Variants in KCNC4 observed in about 807,000 individuals in gnomAD.
KCNC4 encodes voltage-gated potassium channel KCNC4.
In KCNC4, 23 loss-of-function variants were observed where a neutral mutation model predicts 42.8. The observed-to-expected ratio is 0.54, with a 90% CI of 0.39 to 0.76. The LOEUF (loss-of-function observed/expected upper bound fraction) is 0.76, where lower values mean the gene tolerates loss of function less well. KCNC4 is among the 30% of genes least tolerant of loss of function. The pLI is 0.00. For missense variants in KCNC4, 751 were observed against 898.2 expected, an observed-to-expected ratio of 0.84 and a Z score of 2.10; for synonymous variants, 422 against 393.5, an observed-to-expected ratio of 1.07 and a Z score of -0.86.
At chr1:110,275,849 T>G (rs751541377) in intron 1 of KCNC4, among the ~76,000 whole-genome samples, 14 of 149,660 alleles carry the variant, frequency 9.4e-5, no homozygotes, top group Admixed American at 4.1e-4. Context: ...TCCCAACTAC[T>G]CAGGAGGCTG....
exon 4 of KCNC4, chr1:110,239,596 G>C (rs1200671341): frequency 1.3e-5 from 2 of 152,156 alleles, no homozygotes; most frequent in Non-Finnish European, 2.9e-5. Flanking sequence ...GAATGAATGG[G>C]CTGGAGATAG....
At chr1:110,238,822 C>T (rs568522942), downstream of KCNC4, 1 of 152,314 alleles carries the variant, frequency 6.6e-6, no homozygotes, top group African/African-American at 2.4e-5. Context: ...TTATTAAACA[C>T]CTGTGAACTC....
downstream of KCNC4, among the ~76,000 whole-genome samples, chr1:110,254,103 G>GGGGGTT: frequency 7.0e-6 from 1 of 142,600 alleles, no homozygotes; most frequent in Non-Finnish European, 1.6e-5. Context: ...GGGGGGGGCG[G>GGGGGTT]CGTTTCTGTT....
chr1:110,212,478 C>A (rs141737007), intron 1 of KCNC4, among the ~76,000 whole-genome samples: 571 of 152,310 alleles, frequency 3.7e-3, no homozygotes, highest in Non-Finnish European at 5.9e-3. Context: ...TCCTCCACCC[C>A]CTTCTTTGGT....
At position 110,223,675 on chromosome 1, in the gene KCNC4, A is replaced by G. The variant is rs1344430397; in HGVS notation, c.1390A>G (p.Ile464Val). The G allele has an allele frequency of 6.2e-7, 1 of 1,613,904 alleles. No homozygotes were observed. Among genetic ancestry groups the G allele is most frequent in the Non-Finnish European group, 8.5e-7 (1 of 1,180,050 alleles). The change falls in exon 2 of 4, where the codon ATC becomes GTC. Residue 464 changes from isoleucine (I) to valine (V), a missense_variant. By Grantham distance (29) the Ile-to-Val change is conservative (BLOSUM62 3). This residue lies in a region of KCNC4 where 185 missense variants were observed against 293.7 expected (regional missense o/e 0.63). Coordinates refer to ENST00000438661, the MANE Select transcript of KCNC4 (RefSeq NM_001039574.3). This position sits in a 1 kb window ranked among gnomAD's most constrained non-coding sequence, Gnocchi z 7.5. Reference sequence around the variant, plus strand: ...GTGTGCACTGGCTGGCGTGCTCACCATCGCCATGCCGGTGCCTGTCATCGT... The same window carrying G: ...GTGTGCACTGGCTGGCGTGCTCACCGTCGCCATGCCGGTGCCTGTCATCGT... ...ALCALAGVLTIAMPVPVIVNN... is the reference protein window; with the variant it reads ...ALCALAGVLTVAMPVPVIVNN...
Position 110,222,788 on chromosome 1 carries a change from A to G in KCNC4, c.679-176A>G, listed in dbSNP as rs761317198. Reference sequence around the variant, plus strand: ...GGGAAACATTGCCCGAGAGCCCCCAAGCATATGGATAAAGACCCTCTGAGG... The same window carrying G: ...GGGAAACATTGCCCGAGAGCCCCCAGGCATATGGATAAAGACCCTCTGAGG... On this transcript the variant is annotated intron_variant, in intron 1 of 3. Transcript: ENST00000438661. The G allele has an allele frequency of 5.1e-6, 3 of 585,872 alleles. No homozygotes were observed. In the African/African-American group the frequency reaches 5.6e-5, roughly 11 times the overall value. The allele number at this position is 585,872 out of a possible 1,614,324, so 36.3% of individuals were successfully genotyped here.
At chr1:110,271,623 C>T (rs1322193377) in intron 1 of KCNC4, among the ~76,000 whole-genome samples, 14 of 152,136 alleles carry the variant, frequency 9.2e-5, no homozygotes, top group Non-Finnish European at 7.4e-5. Context: ...AGTTCAGTGC[C>T]AGCAGACAAC....
chr1:110,216,394 G>A (rs1449386727), intron 1 of KCNC4, among the ~76,000 whole-genome samples: 2 of 152,210 alleles, frequency 1.3e-5, no homozygotes, highest in Non-Finnish European at 2.9e-5. Context: ...GCAGGCAGGG[G>A]CCAGGCTGAA....
Position 110,223,126 on chromosome 1 carries a change from C to G in KCNC4, c.841C>G (p.Leu281Val). Residue 281 changes from leucine (L) to valine (V), a missense_variant, in exon 2 of 4, where the codon CTG (leucine) becomes GTG (valine). Transcript: ENST00000438661. The surrounding 1 kb of genome is among the most constrained non-coding windows in gnomAD (Gnocchi z 7.5). ...GCGGGAGGTAGAGACAGAGCCCATC[C>G]TGACCTACATCGAGGGCGTATGTGT... ...FRREVETEPILTYIEGVCVLW... is the reference protein window; with the variant it reads ...FRREVETEPIVTYIEGVCVLW... The G allele has an allele frequency of 6.2e-7, 1 of 1,614,232 alleles. No homozygotes were observed. The highest frequency in any genetic ancestry group is 8.5e-7 in the Non-Finnish European group (1 of 1,180,042).
intron 1 of KCNC4, chr1:110,220,836 T>C (rs1024407941): frequency 6.6e-6 from 1 of 152,132 alleles, no homozygotes; most frequent in East Asian, 1.9e-4. Context: ...AGCCCCTTTC[T>C]CAGAGGAGGA....
chr1:110,226,237 C>T (rs1463007550), intron 3 of KCNC4, 59 bp downstream of exon 3: 3 of 1,510,654 alleles, frequency 2.0e-6, no homozygotes, highest in Non-Finnish European at 2.8e-6. Context: ...CTCCCGAGTC[C>T]CCCACCAAGA....
chr1:110,265,414 A>AAAT (rs1659524723), intron 1 of KCNC4, among the ~76,000 whole-genome samples: 1 of 90,554 alleles, frequency 1.1e-5, no homozygotes, highest in African/African-American at 4.6e-5. Flanking sequence ...AAATAAAATA[A>AAAT]AATAAAATAT....
At chr1:110,213,112 C>T (rs1657584402) in intron 1 of KCNC4, among the ~76,000 whole-genome samples, 1 of 135,300 alleles carries the variant, frequency 7.4e-6, no homozygotes, top group African/African-American at 2.8e-5. Context: ...GTTTCCCTAA[C>T]TCCTTTAGGT....
intron 2 of KCNC4, chr1:110,225,041 T>C (rs1658310609): frequency 1.3e-5 from 2 of 152,220 alleles, no homozygotes; most frequent in African/African-American, 2.4e-5. Context: ...GCTTCCCATT[T>C]CTCCCCCACC....
chr1:110,251,829 C>T (rs1286600679), downstream of KCNC4, among the ~76,000 whole-genome samples: 2 of 152,248 alleles, frequency 1.3e-5, no homozygotes, highest in Non-Finnish European at 2.9e-5. Flanking sequence ...GGTTAAGGCC[C>T]TTGTTGGCCA....
In KCNC4 at chr1:110,211,554, C is replaced by T. The variant is rs755514721; in HGVS notation, c.55C>T (p.Pro19Ser). ...CCGCGGGCGCAAGTCGGGGAACAAG[C>T]CTCCGTCCAAAACATGTCTGAAGGA... ...SYRGRKSGNKPPSKTCLKEEM... is the reference protein window; with the variant it reads ...SYRGRKSGNKSPSKTCLKEEM... Residue 19 changes from proline to serine, a missense_variant, in exon 1 of 4, where the codon CCT (proline) becomes TCT (serine). Physicochemically the swap from Pro to Ser is moderately conservative, Grantham distance 74. Transcript: ENST00000438661. The surrounding 1 kb of genome is among the most constrained non-coding windows in gnomAD (Gnocchi z 6.5). 3 of 1,614,106 alleles carry T rather than the reference C, an allele frequency of 1.9e-6. No individual in the cohort carries two copies. Among genetic ancestry groups the T allele is most frequent in the Non-Finnish European group, 2.5e-6 (3 of 1,179,984 alleles).
intron 3 of KCNC4, among the ~76,000 whole-genome samples, chr1:110,226,805 G>T (rs1351458896): frequency 6.6e-6 from 1 of 152,212 alleles, no homozygotes; most frequent in African/African-American, 2.4e-5. Context: ...TGAGTATTTG[G>T]AGAGAGAGGG....
chr1:110,215,955 C>G (rs942816623), intron 1 of KCNC4, among the ~76,000 whole-genome samples: 1 of 152,208 alleles, frequency 6.6e-6, no homozygotes, highest in Non-Finnish European at 1.5e-5. Flanking sequence ...AGAGCTTCTT[C>G]CTCCACTCTG....
Position 110,263,844 on chromosome 1 carries a change from G to T in KCNC4, n.31-18690G>T, listed in dbSNP as rs185357462. ...AGTGAGGGGGGGGAGCTGAATGGGG[G>T]TCTCCATTTGGGGAGAGTCCTTCTC... On this transcript the variant is annotated intron_variant and non_coding_transcript_variant, in intron 1 of 2. Transcript: ENST00000412512. Among the ~76,000 whole-genome samples, 4 of 151,336 alleles carry T rather than the reference G, an allele frequency of 2.6e-5. No homozygotes were observed. The East Asian group carries it at 5.9e-4, about 22-fold the overall frequency.
Sources: allele counts gnomAD v4.1 joint callset (sites outside exome capture counted in the v4.1 genomes callset), GRCh38; gene constraint gnomAD v4.1.1; regional missense constraint gnomAD v4.1.1; non-coding constraint Gnocchi (gnomAD v3.1); transcripts MANE v1.5; gene names NCBI Gene and HGNC (gene_info 2026-07-23, HGNC 2026-07-21).